The following TMEM132D variants were observed in gnomAD, a reference collection of about 807,000 sequenced individuals.
The protein encoded by TMEM132D is transmembrane protein 132D.
A neutral mutation model predicts 62.3 loss-of-function variants in TMEM132D; 21 were observed. That is an observed-to-expected ratio of 0.34 (90% confidence interval 0.24 to 0.49). The LOEUF (loss-of-function observed/expected upper bound fraction) is 0.49. Among genes scored for constraint, TMEM132D ranks in the 20% least tolerant of loss-of-function variants. TMEM132D has a pLI of 0.99. For synonymous variants in TMEM132D, 621 were observed against 575.6 expected (o/e 1.08, Z -1.13); for missense variants, 1,346 against 1,402.8 (o/e 0.96, Z 0.65).
At chr12:129,191,272 G>C (rs996049955) in intron 5 of TMEM132D, among the ~76,000 whole-genome samples, 1 of 141,166 alleles carries the variant, frequency 7.1e-6, no homozygotes, top group African/African-American at 2.7e-5. Context: ...TTGCCGAAAA[G>C]ACACAGAGAA....
At chr12:129,176,448 C>T (rs930620033) in intron 5 of TMEM132D, among the ~76,000 whole-genome samples, 3 of 152,200 alleles carry the variant, frequency 2.0e-5, no homozygotes, top group East Asian at 1.9e-4. Flanking sequence ...TGTTGGGACC[C>T]GTAATTCTAG....
chr12:129,673,262 C>A (rs1185926873), intron 2 of TMEM132D, among the ~76,000 whole-genome samples: 1 of 152,144 alleles, frequency 6.6e-6, no homozygotes, highest in African/African-American at 2.4e-5. Context: ...AACATGTGGT[C>A]TTTTATGACT....
At chr12:129,453,349 C>T (rs1321791981) in intron 3 of TMEM132D, among the ~76,000 whole-genome samples, 1 of 152,156 alleles carries the variant, frequency 6.6e-6, no homozygotes, top group Non-Finnish European at 1.5e-5. Flanking sequence ...TGTCTCTTTG[C>T]CTGGAATTCC....
chr12:129,543,563 T>C lies in TMEM132D; in HGVS notation c.969-12358A>G, dbSNP rs1876651470. The stretch of plus-strand genomic sequence containing the variant: ...CTACTGTGAGAATGCCCAGGGTGCT[T>C]CTATTAGCCTAAAGTTTGGCAAAAT... On this transcript the variant is annotated intron_variant, in intron 2 of 8. Transcript: ENST00000422113. Among the ~76,000 whole-genome samples the C allele has an allele frequency of 2.0e-5, 3 of 152,300 alleles. No homozygotes were observed. In the South Asian group the frequency reaches 6.2e-4, roughly 32 times the overall value.
At chr12:129,364,930 G>C (rs1186649940) in intron 3 of TMEM132D, among the ~76,000 whole-genome samples, 1 of 152,210 alleles carries the variant, frequency 6.6e-6, no homozygotes, top group Admixed American at 6.5e-5. Flanking sequence ...GATGGGAGTT[G>C]AGAAAACCAT....
At chr12:129,322,373 T>C (rs1404723693) in intron 4 of TMEM132D, among the ~76,000 whole-genome samples, 3 of 152,220 alleles carry the variant, frequency 2.0e-5, no homozygotes, top group African/African-American at 7.2e-5. Context: ...AATTTTCTCA[T>C]CTGCAAAATG....
Position 129,272,789 on chromosome 12 carries a change from G to A in TMEM132D, c.1300-63126C>T, listed in dbSNP as rs867982656. The stretch of plus-strand genomic sequence containing the variant: ...ATAAGTAACAAAATAGGCCAGGCAC[G>A]GCGGCTCACGCCTGTAATCCCAGCA... On this transcript the variant is annotated intron_variant, in intron 4 of 8. Transcript: ENST00000422113. Among the ~76,000 whole-genome samples, 6 of 151,724 alleles carry A rather than the reference G, an allele frequency of 4.0e-5. No individual in the cohort carries two copies. In the East Asian group the frequency reaches 7.7e-4, roughly 19 times the overall value.
intron 4 of TMEM132D, among the ~76,000 whole-genome samples, chr12:129,298,346 C>T (rs1881627352): frequency 1.3e-5 from 2 of 152,076 alleles, no homozygotes; most frequent in Admixed American, 1.3e-4. Flanking sequence ...CAACACATCG[C>T]AATTGTATAT....
chr12:129,794,558 G>T (rs1328089942), intron 1 of TMEM132D, among the ~76,000 whole-genome samples: 1 of 152,022 alleles, frequency 6.6e-6, no homozygotes, highest in African/African-American at 2.4e-5. Context: ...TGATTAAAAA[G>T]GTAACATTAT....
chr12:129,610,292 A>AGG (rs1235376458), intron 2 of TMEM132D, among the ~76,000 whole-genome samples: 4 of 151,940 alleles, frequency 2.6e-5, no homozygotes, highest in African/African-American at 9.7e-5. Context: ...AAAAAAAAAA[A>AGG]AAGAGAGACA....
At position 129,692,904 on chromosome 12, in the gene TMEM132D, T is replaced by A. The variant is rs538023044; in HGVS notation, c.968+6906A>T. On this transcript the variant is annotated intron_variant, in intron 2 of 8. Coordinates refer to ENST00000422113, the MANE Select transcript of TMEM132D (RefSeq NM_133448.3). ...AAGAACTAATGCATGCTGGGCTTAG[T>A]ACCTAGGTGACAAGTGCAGCAAACC... 2.6e-5 allele frequency among the ~76,000 whole-genome samples: 4 copies of A among 152,278 alleles called. No homozygotes were observed. In the South Asian group the frequency reaches 8.3e-4, roughly 32 times the overall value.
intron 5 of TMEM132D, among the ~76,000 whole-genome samples, chr12:129,206,939 G>A (rs567336103): frequency 6.6e-6 from 1 of 152,132 alleles, no homozygotes; most frequent in African/African-American, 2.4e-5. Context: ...ACACACTGGG[G>A]TCTATGGAAG....
intron 3 of TMEM132D, among the ~76,000 whole-genome samples, chr12:129,344,954 A>G (rs866579590): frequency 2.6e-5 from 4 of 152,104 alleles, no homozygotes; most frequent in Non-Finnish European, 5.9e-5. Context: ...TGTTGCCACT[A>G]TGCCGACTAG....
At chr12:129,713,680 A>G (rs560074190) in intron 1 of TMEM132D, among the ~76,000 whole-genome samples, 68 of 152,294 alleles carry the variant, frequency 4.5e-4, no homozygotes, top group Admixed American at 1.7e-3. Flanking sequence ...CCCAGCCACC[A>G]TCTGTGAGAT....
intron 4 of TMEM132D, among the ~76,000 whole-genome samples, chr12:129,334,151 TTTTTAAATAATGTTTGCCTTAACTGCC>T (rs1345924312): frequency 1.3e-5 from 2 of 151,940 alleles, no homozygotes; most frequent in South Asian, 4.2e-4. Context: ...ATGAAAAAAA[TTTTTAAATAATGTTTGCCTTAACTGCC>T]TTTTAAATAA....
intron 4 of TMEM132D, among the ~76,000 whole-genome samples, chr12:129,230,310 G>C (rs190718440): frequency 2.3e-4 from 35 of 149,792 alleles, no homozygotes; most frequent in East Asian, 1.6e-3. Context: ...GTGTTGGAGG[G>C]GGGGGGCTCC....
intron 3 of TMEM132D, among the ~76,000 whole-genome samples, chr12:129,430,538 A>G (rs1007846177): frequency 2.6e-5 from 4 of 152,044 alleles, no homozygotes; most frequent in Non-Finnish European, 4.4e-5. Flanking sequence ...CCTGGGCTTA[A>G]GCGATACTCC....
At chr12:129,593,535 G>A (rs1372922382) in intron 2 of TMEM132D, among the ~76,000 whole-genome samples, 2 of 152,174 alleles carry the variant, frequency 1.3e-5, no homozygotes, top group Admixed American at 6.5e-5. Flanking sequence ...AAAGTGGGTG[G>A]GGAGCAGGAG....
intron 4 of TMEM132D, among the ~76,000 whole-genome samples, chr12:129,245,385 G>GATAGCTC (rs1880069065): frequency 6.6e-6 from 1 of 151,208 alleles, no homozygotes; most frequent in African/African-American, 2.4e-5. Context: ...TTTATGGCTC[G>GATAGCTC]ATAGCTCATT....
Sources: gnomAD v4.1 joint callset for allele counts (sites outside exome capture counted in the v4.1 genomes callset) on GRCh38, gnomAD v4.1.1 for gene constraint, MANE v1.5 for transcripts, NCBI Gene and HGNC (gene_info 2026-07-23, HGNC 2026-07-21) for gene names.